The following GNG12 variants were observed in gnomAD, a reference collection of about 807,000 sequenced individuals.
GNG12 encodes the protein G protein subunit gamma 12, also known as guanine nucleotide-binding protein G(I)/G(S)/G(O) subunit gamma-12.
For missense variants in GNG12, 69 were observed against 83.8 expected (o/e 0.82, Z 0.69); for synonymous variants, 28 against 29.7 (o/e 0.94, Z 0.19).
chr1:67,832,751 C>G (rs1647055249), intron 1 of GNG12, among the ~76,000 whole-genome samples: 1 of 152,190 alleles, frequency 6.6e-6, no homozygotes. Flanking sequence ...CTGCGACCCG[C>G]TATTTCCCTG....
At chr1:67,759,740 G>A (rs1646591346) in intron 2 of GNG12, among the ~76,000 whole-genome samples, 1 of 152,088 alleles carries the variant, frequency 6.6e-6, no homozygotes, top group African/African-American at 2.4e-5. Context: ...GACAGTCCAT[G>A]TAACAAAGAA....
intron 2 of GNG12, among the ~76,000 whole-genome samples, chr1:67,723,947 T>A (rs908954811): frequency 1.3e-5 from 2 of 152,182 alleles, no homozygotes; most frequent in African/African-American, 4.8e-5. Context: ...TGGGGACTGC[T>A]GAGTAGTTTC....
rs148630093 is a variant in GNG12 at position 67,711,764 on chromosome 1, G to A, written c.-26-4052C>T. On this transcript the variant is annotated intron_variant, in intron 2 of 3. Coordinates refer to ENST00000370982, the MANE Select transcript of GNG12 (RefSeq NM_018841.6). Reference sequence around the variant, plus strand: ...TGCCTACATCTGCTGTTCCCCAAGTGTCCTCAGTTCAAAGTAATCAGCACA... The same window carrying A: ...TGCCTACATCTGCTGTTCCCCAAGTATCCTCAGTTCAAAGTAATCAGCACA... 2.8e-3 allele frequency among the ~76,000 whole-genome samples: 427 copies of A among 152,250 alleles called. 1 individual carries two copies. The highest frequency in any genetic ancestry group is 9.9e-3 in the African/African-American group (413 of 41,536).
intron 1 of GNG12, among the ~76,000 whole-genome samples, chr1:67,794,206 C>T (rs555214688): frequency 6.6e-6 from 1 of 152,314 alleles, no homozygotes; most frequent in South Asian, 2.1e-4. Flanking sequence ...GTTGTCCATC[C>T]ACCAGAGAGT....
intron 2 of GNG12, among the ~76,000 whole-genome samples, chr1:67,745,302 C>A (rs1451058287): frequency 1.3e-5 from 2 of 152,198 alleles, no homozygotes; most frequent in Non-Finnish European, 2.9e-5. Context: ...AGCTTTCCAT[C>A]TGAATTGTTG....
chr1:67,773,184 G>A (rs1448204626), intron 2 of GNG12, among the ~76,000 whole-genome samples: 1 of 152,210 alleles, frequency 6.6e-6, no homozygotes, highest in Non-Finnish European at 1.5e-5. Context: ...GGTAGTTCTT[G>A]TGGAATTCTG....
intron 1 of GNG12, among the ~76,000 whole-genome samples, chr1:67,827,558 TG>T (rs1647018267): frequency 6.6e-6 from 1 of 152,106 alleles, no homozygotes; most frequent in Admixed American, 6.5e-5. Flanking sequence ...TCCAAGTAGC[TG>T]GGACTACAGG....
intron 1 of GNG12, chr1:67,832,390 T>A (rs1471165454): frequency 6.6e-6 from 1 of 152,020 alleles, no homozygotes; most frequent in East Asian, 1.9e-4. Flanking sequence ...TTGGGCAAAG[T>A]TTCACTCCAC....
At chr1:67,813,353 T>C (rs1646936820) in intron 1 of GNG12, among the ~76,000 whole-genome samples, 1 of 152,152 alleles carries the variant, frequency 6.6e-6, no homozygotes, top group African/African-American at 2.4e-5. Context: ...ACATGATAAA[T>C]CTGGTGCAGT....
chr1:67,826,531 T>C (rs1394676030), intron 1 of GNG12, among the ~76,000 whole-genome samples: 1 of 152,200 alleles, frequency 6.6e-6, no homozygotes, highest in East Asian at 1.9e-4. Flanking sequence ...TGACCTTATA[T>C]ACCCACATGA....
chr1:67,767,944 T>G (rs12076811), intron 2 of GNG12, among the ~76,000 whole-genome samples: 17,726 of 152,210 alleles, frequency 0.12, 1,312 homozygotes, highest in African/African-American at 0.21. Flanking sequence ...GCAAATTTGA[T>G]TTAAAAGCTT....
At chr1:67,809,348 TAGG>T (rs1646910488) in intron 1 of GNG12, among the ~76,000 whole-genome samples, 1 of 151,760 alleles carries the variant, frequency 6.6e-6, no homozygotes, top group Admixed American at 6.6e-5. Context: ...GAAGAAAACA[TAGG>T]AGAAAATGTA....
At chr1:67,826,142 C>T (rs953339771) in intron 1 of GNG12, among the ~76,000 whole-genome samples, 2 of 152,192 alleles carry the variant, frequency 1.3e-5, no homozygotes, top group African/African-American at 2.4e-5. Flanking sequence ...GTGACAGACT[C>T]TGCCAGCTGA....
At chr1:67,709,791 C>G (rs569724102) in intron 2 of GNG12, among the ~76,000 whole-genome samples, 134 of 139,050 alleles carry the variant, frequency 9.6e-4, no homozygotes, top group African/African-American at 3.5e-3. Flanking sequence ...GTGCAGTGCT[C>G]TGACTCACAG....
chr1:67,705,769 G>A (rs1206656064), intron 3 of GNG12, among the ~76,000 whole-genome samples, 193 bp from the exon 4 acceptor site: 2 of 152,168 alleles, frequency 1.3e-5, no homozygotes, highest in Admixed American at 6.5e-5. Flanking sequence ...AATTTGGCAG[G>A]TAAGGTCTTT....
intron 1 of GNG12, among the ~76,000 whole-genome samples, chr1:67,796,429 C>A (rs1291408063): frequency 6.6e-6 from 1 of 152,116 alleles, no homozygotes; most frequent in Non-Finnish European, 1.5e-5. Context: ...AATTCCTGAA[C>A]TTGAGTGTAC....
chr1:67,829,648 T>G (rs971421989), intron 1 of GNG12, among the ~76,000 whole-genome samples: 1 of 152,222 alleles, frequency 6.6e-6, no homozygotes, highest in Non-Finnish European at 1.5e-5. Flanking sequence ...CTCACAACAC[T>G]TATTGAAGCA....
At chr1:67,763,734 G>A (rs768529166) in intron 2 of GNG12, among the ~76,000 whole-genome samples, 1 of 151,888 alleles carries the variant, frequency 6.6e-6, no homozygotes, top group East Asian at 1.9e-4. Flanking sequence ...TTATAATTTT[G>A]CTATAATTCC....
intron 1 of GNG12, among the ~76,000 whole-genome samples, chr1:67,825,662 T>C (rs533772149): frequency 4.5e-4 from 69 of 152,326 alleles, no homozygotes; most frequent in African/African-American, 1.6e-3. Flanking sequence ...CAGCTACTCA[T>C]AGGTAAGTTC....
Sources: gnomAD v4.1 joint callset for allele counts (sites outside exome capture counted in the v4.1 genomes callset) on GRCh38, gnomAD v4.1.1 for gene constraint, MANE v1.5 for transcripts, NCBI Gene and HGNC (gene_info 2026-07-23, HGNC 2026-07-21) for gene names.